The following MAP7D1 variants were observed in gnomAD, a reference collection of about 807,000 sequenced individuals.
The protein encoded by MAP7D1 is MAP7 domain containing 1.
In MAP7D1, 30 loss-of-function variants were observed where a neutral mutation model predicts 97.5. The ratio of observed to expected loss-of-function variants is 0.31; its 90% CI spans 0.23 to 0.42. The LOEUF (loss-of-function observed/expected upper bound fraction) is 0.42, where lower values mean the gene tolerates loss of function less well. MAP7D1 is among the 10% of genes least tolerant of loss of function. The pLI, the probability that MAP7D1 is intolerant of heterozygous loss-of-function variation, is 1.00. For synonymous variants in MAP7D1, 536 were observed against 477.1 expected (o/e 1.12, Z -1.61); for missense variants, 1,184 against 1,179.5 (o/e 1.00, Z -0.06).
At chr1:36,175,634 C>G (rs1344397501) in intron 6 of MAP7D1, among the ~76,000 whole-genome samples, 1 of 152,214 alleles carries the variant, frequency 6.6e-6, no homozygotes, top group African/African-American at 2.4e-5. Flanking sequence ...TGCCTAGCAA[C>G]CAAATCAGCT....
chr1:36,171,425 T>C, intron 2 of MAP7D1, 88 bp from the exon 3 acceptor site: 12 of 1,559,570 alleles, frequency 7.7e-6, no homozygotes, highest in Non-Finnish European at 8.8e-6. Flanking sequence ...AAAGAAAGGA[T>C]GGGGTGAGGC....
chr1:36,173,384 C>T lies in MAP7D1; in HGVS notation c.645C>T (p.Ile215=), dbSNP rs2296264. The T allele has an allele frequency of 3.6e-4, 579 of 1,613,994 alleles. 13 individuals carry two copies. In the East Asian group the frequency reaches 0.013, roughly 36 times the overall value. ...CCCAGGAGCGCTATGAAGCAGCCAT[C>T]CAACGGTCAGTGAAGAAGACGTGGG... ...EKNKERYEAA[I]QRSVKKTWAE... Residue 215 remains isoleucine, a synonymous_variant, in exon 5 of 17, where the codon ATC becomes ATT. Coordinates refer to ENST00000474796, the MANE Select transcript of MAP7D1 (RefSeq NM_001388490.1).
intron 1 of MAP7D1, among the ~76,000 whole-genome samples, chr1:36,163,678 CATT>C (rs914128840): frequency 2.0e-5 from 3 of 152,076 alleles, no homozygotes; most frequent in Non-Finnish European, 4.4e-5. Context: ...AGTAAACACT[CATT>C]ATTATTTTTA....
rs79152495 is a variant in MAP7D1 at position 36,161,510 on chromosome 1, T to G, written c.46+5047T>G. On this transcript the variant is annotated intron_variant, in intron 1 of 16. Transcript: ENST00000474796. ...AAGTAAGTGTCTTAATCTCTGAACC[T>G]GTTTCCTCGTTTGTAAAATGGGGTA... is the stretch of plus-strand genomic sequence containing the variant. Among the ~76,000 whole-genome samples the G allele has an allele frequency of 6.3e-3, 956 of 152,368 alleles. 47 individuals are homozygous for G. The South Asian group carries it at 0.13, about 21-fold the overall frequency.
chr1:36,162,195 A>G lies in MAP7D1; in HGVS notation c.46+5732A>G, dbSNP rs2124205106. Among the ~76,000 whole-genome samples, 2 of 152,088 alleles carry G rather than the reference A, an allele frequency of 1.3e-5. 1 individual carries two copies. The highest frequency in any genetic ancestry group is 4.2e-4 in the South Asian group (2 of 4,804). ...CTGTCTGTGCACCCCCCACGCCACA[A>G]CCAGCCCTCACCCAGGCACTCCCTC... On this transcript the variant is annotated intron_variant, in intron 1 of 16. Transcript: ENST00000474796.
Position 36,173,438 on chromosome 1 carries a change from G to T in MAP7D1, c.699G>T (p.Trp233Cys), listed in dbSNP as rs1380513166. The T allele has an allele frequency of 3.1e-6, 5 of 1,613,918 alleles. No individual in the cohort carries two copies. Among genetic ancestry groups the T allele is most frequent in the Non-Finnish European group, 4.2e-6 (5 of 1,179,992 alleles). The change falls in exon 5 of 17, where the codon TGG becomes TGT. Residue 233 changes from tryptophan to cysteine, a missense_variant. Physicochemically the swap from Trp to Cys is radical, Grantham distance 215 (BLOSUM62 -2). Coordinates refer to ENST00000474796, the MANE Select transcript of MAP7D1 (RefSeq NM_001388490.1). ...WAEIRQQRWSWAGALHHSSPG... is the reference protein window; with the variant it reads ...WAEIRQQRWSCAGALHHSSPG... ...AAATCCGGCAGCAGCGCTGGTCCTG[G>T]GCAGGGGCCCTGCACCACAGCTCTC...
At chr1:36,162,922 A>C (rs1316732800) in intron 1 of MAP7D1, among the ~76,000 whole-genome samples, 1 of 152,150 alleles carries the variant, frequency 6.6e-6, no homozygotes, top group Non-Finnish European at 1.5e-5. Context: ...GGCTGCAAAA[A>C]GGACTAAGAC....
At chr1:36,173,778 G>A (rs943300224) in intron 5 of MAP7D1, among the ~76,000 whole-genome samples, 1 of 152,118 alleles carries the variant, frequency 6.6e-6, no homozygotes, top group Admixed American at 6.6e-5. Flanking sequence ...AGACTTTAAT[G>A]ACCTACAGAC....
intron 3 of MAP7D1, 108 bp from the exon 4 acceptor site, chr1:36,172,356 G>C: frequency 8.6e-7 from 1 of 1,159,028 alleles, no homozygotes; most frequent in South Asian, 2.6e-5. Flanking sequence ...GCGGGAGAAA[G>C]ACCCACCCAG....
chr1:36,173,012 C>A (rs764753871), intron 4 of MAP7D1, among the ~76,000 whole-genome samples: 7 of 152,164 alleles, frequency 4.6e-5, no homozygotes, highest in Non-Finnish European at 8.8e-5. Context: ...CCTGGGAGGG[C>A]CTCAGGCTAG....
chr1:36,165,713 C>T (rs1259396100), intron 1 of MAP7D1, among the ~76,000 whole-genome samples: 2 of 148,932 alleles, frequency 1.3e-5, no homozygotes, highest in Admixed American at 1.3e-4. Context: ...CACCGCACCA[C>T]GCCTGCAGTT....
rs748839215 is a variant in MAP7D1 at position 36,178,013 on chromosome 1, G to A, written c.1520G>A (p.Arg507Gln). The change falls in exon 9 of 17, where the codon CGG becomes CAG. Residue 507 changes from arginine (R) to glutamine (Q), a missense_variant. Physicochemically the swap from Arg to Gln is conservative, Grantham distance 43 (BLOSUM62 1). Transcript: ENST00000474796. ...GGCACCACTGCATCCCCCAAGGGGC[G>A]GGTTCGGAGGAAGGAGGAGGCAAAG... ...PRGTTASPKGRVRRKEEAKES... is the reference protein window; with the variant it reads ...PRGTTASPKGQVRRKEEAKES... 2 of 1,613,598 alleles carry A rather than the reference G, an allele frequency of 1.2e-6. No individual in the cohort carries two copies. The highest frequency in any genetic ancestry group is 1.3e-5 in the African/African-American group (1 of 75,052).
chr1:36,170,393 A>G (rs1644524873), intron 1 of MAP7D1, among the ~76,000 whole-genome samples: 1 of 152,246 alleles, frequency 6.6e-6, no homozygotes, highest in Non-Finnish European at 1.5e-5. Flanking sequence ...CCTCTTGGTC[A>G]GTCCCATGTG....
intron 5 of MAP7D1, 107 bp from the exon 6 acceptor site, chr1:36,174,791 C>T: frequency 1.8e-6 from 1 of 545,512 alleles, no homozygotes; most frequent in Non-Finnish European, 3.5e-6. Flanking sequence ...CCTGCCCACT[C>T]CTCCCTCTCC....
In MAP7D1 at chr1:36,176,304, G is replaced by C. The variant is rs771760671; in HGVS notation, c.956G>C (p.Arg319Pro). The change falls in exon 7 of 17, where the codon CGC (arginine) becomes CCC (proline). Residue 319 changes from arginine to proline, a missense_variant. Transcript: ENST00000474796. The surrounding 1 kb of genome is among the most constrained non-coding windows in gnomAD (Gnocchi z 6.1). Reference sequence around the variant, plus strand: ...AGTCGCAGCGCGGTCACACTGCCCCGCAACGGCCGGGACCAGGGTAGGGGC... The same window carrying C: ...AGTCGCAGCGCGGTCACACTGCCCCCCAACGGCCGGGACCAGGGTAGGGGC... The part of the protein sequence containing the change: ...ARSRSAVTLP[R>P]NGRDQGRGCD... The C allele has an allele frequency of 1.1e-5, 18 of 1,568,650 alleles. No individual in the cohort carries two copies. The African/African-American group carries it at 1.6e-4, about 14-fold the overall frequency.
chr1:36,178,276 A>G, intron 9 of MAP7D1, 75 bp downstream of exon 9: 1 of 1,479,380 alleles, frequency 6.8e-7, no homozygotes. Flanking sequence ...GTGGGCCGCC[A>G]GAGATGCCTG....
chr1:36,167,509 G>C (rs1038719314), intron 1 of MAP7D1, among the ~76,000 whole-genome samples: 4 of 152,160 alleles, frequency 2.6e-5, no homozygotes, highest in Non-Finnish European at 5.9e-5. Flanking sequence ...ATGAGGAGAC[G>C]TGGATATATT....
chr1:36,168,872 CT>C (rs1030491372), intron 1 of MAP7D1, among the ~76,000 whole-genome samples: 1 of 151,996 alleles, frequency 6.6e-6, no homozygotes, highest in Non-Finnish European at 1.5e-5. Context: ...CAAATTACCT[CT>C]TTTTTTTGCT....
chr1:36,162,522 G>C (rs553108062), intron 1 of MAP7D1, among the ~76,000 whole-genome samples: 1 of 152,318 alleles, frequency 6.6e-6, no homozygotes, highest in Admixed American at 6.5e-5. Flanking sequence ...TCCTACCTCT[G>C]ACACTGGCAT....
Sources: allele counts gnomAD v4.1 joint callset (sites outside exome capture counted in the v4.1 genomes callset), GRCh38; gene constraint gnomAD v4.1.1; non-coding constraint Gnocchi (gnomAD v3.1); transcripts MANE v1.5; gene names NCBI Gene and HGNC (gene_info 2026-07-23, HGNC 2026-07-21).